Variants in PBX3 observed in about 807,000 individuals in gnomAD.
The protein encoded by PBX3 is pre-B-cell leukemia transcription factor 3.
In PBX3, 14 loss-of-function variants were observed where a neutral mutation model predicts 48.5. That is an observed-to-expected ratio of 0.29 (90% CI 0.19 to 0.45). The LOEUF (loss-of-function observed/expected upper bound fraction) is 0.45, where lower values mean the gene tolerates loss of function less well. Among genes scored for constraint, PBX3 ranks in the 20% least tolerant of loss-of-function variants. The pLI is 1.00. For synonymous variants in PBX3, 210 were observed against 200.3 expected, an observed-to-expected ratio of 1.05 and a Z score of -0.41; for missense variants, 386 against 546.7, an observed-to-expected ratio of 0.71 and a Z score of 2.93.
chr9:125,905,467 A>T (rs1841047917), intron 2 of PBX3, among the ~76,000 whole-genome samples: 1 of 151,982 alleles, frequency 6.6e-6, no homozygotes, highest in Non-Finnish European at 1.5e-5. Context: ...TATCAAAGGG[A>T]GATTAAATCT....
intron 2 of PBX3, among the ~76,000 whole-genome samples, chr9:125,851,809 A>G (rs1415216635): frequency 1.3e-5 from 2 of 151,428 alleles, no homozygotes; most frequent in Admixed American, 6.6e-5. Flanking sequence ...GGGTGCTGAT[A>G]CATGCTCCTT....
chr9:125,847,378 A>G (rs1358441557), intron 2 of PBX3, among the ~76,000 whole-genome samples: 1 of 152,028 alleles, frequency 6.6e-6, no homozygotes, highest in African/African-American at 2.4e-5. Flanking sequence ...ATGTCCAACA[A>G]TAGGTGAATT....
At chr9:125,820,147 A>G (rs1838607703) in intron 2 of PBX3, among the ~76,000 whole-genome samples, 1 of 152,226 alleles carries the variant, frequency 6.6e-6, no homozygotes, top group Non-Finnish European at 1.5e-5. Flanking sequence ...TGAAGAAACA[A>G]TTGACCACAC....
At chr9:125,806,480 G>A (rs1416793545) in intron 2 of PBX3, among the ~76,000 whole-genome samples, 1 of 152,162 alleles carries the variant, frequency 6.6e-6, no homozygotes. Flanking sequence ...TTCCAGGATG[G>A]CACCTTGCAT....
rs144869675 is a variant in PBX3 at position 125,783,234 on chromosome 9, G to A, written c.274+34611G>A. Reference sequence around the variant, plus strand: ...TGTGTGATGGTATGCGTGATGTCTCGTTATTATACATTGAGATGCATGATA... The same window carrying A: ...TGTGTGATGGTATGCGTGATGTCTCATTATTATACATTGAGATGCATGATA... On this transcript the variant is annotated intron_variant, in intron 2 of 8. Coordinates refer to ENST00000373489, the MANE Select transcript of PBX3 (RefSeq NM_006195.6). 3.9e-5 allele frequency among the ~76,000 whole-genome samples: 6 copies of A among 152,126 alleles called. No homozygotes were observed. The East Asian group carries it at 7.7e-4, about 20-fold the overall frequency.
At position 125,765,153 on chromosome 9, in the gene PBX3, G is replaced by GT. The variant is rs935957484; in HGVS notation, c.274+16544dup. On this transcript the variant is annotated intron_variant, in intron 2 of 8. Transcript: ENST00000373489. ...TTATATTTGTATTTTAAAGAAATTG[G>GT]TTTTTTTTTTTTTTGAGAGGGTGTC... Among the ~76,000 whole-genome samples, 808 of 142,752 alleles carry GT rather than the reference G, an allele frequency of 5.7e-3. 2 individuals carry two copies. Among genetic ancestry groups the GT allele is most frequent in the African/African-American group, 8.4e-3 (331 of 39,176 alleles). The allele number at this position is 142,752 out of a possible 152,430, so 93.7% of individuals were successfully genotyped here.
intron 3 of PBX3, among the ~76,000 whole-genome samples, chr9:125,924,890 C>T (rs1167507117): frequency 6.6e-6 from 1 of 152,152 alleles, no homozygotes; most frequent in Non-Finnish European, 1.5e-5. Flanking sequence ...TCTGAGAGAA[C>T]ATCTGCCAAA....
intron 2 of PBX3, among the ~76,000 whole-genome samples, chr9:125,866,958 A>G (rs1196124470): frequency 6.6e-6 from 1 of 152,046 alleles, no homozygotes; most frequent in Non-Finnish European, 1.5e-5. Context: ...CGTGATTTTC[A>G]TGGTTGTGTT....
chr9:125,950,280 G>A (rs146346190), intron 5 of PBX3, among the ~76,000 whole-genome samples: 1 of 152,258 alleles, frequency 6.6e-6, no homozygotes, highest in African/African-American at 2.4e-5. Flanking sequence ...GGGCAAAGCT[G>A]AACTGTAAGG....
chr9:125,934,866 T>G (rs1841799922), intron 4 of PBX3, among the ~76,000 whole-genome samples: 1 of 152,210 alleles, frequency 6.6e-6, no homozygotes, highest in African/African-American at 2.4e-5. Flanking sequence ...AGTGCAATCA[T>G]CTCCTAAAAT....
chr9:125,780,784 CA>C (rs1335386895), intron 2 of PBX3, among the ~76,000 whole-genome samples: 8 of 145,934 alleles, frequency 5.5e-5, no homozygotes, highest in Non-Finnish European at 9.2e-5. Flanking sequence ...CTGACCCCCC[CA>C]CCTCCCTCCC....
intron 2 of PBX3, among the ~76,000 whole-genome samples, chr9:125,791,792 C>T (rs1056421896): frequency 4.6e-5 from 7 of 151,656 alleles, no homozygotes; most frequent in Admixed American, 2.0e-4. Flanking sequence ...AAAAATTAGC[C>T]GGGCGTGGTG....
intron 2 of PBX3, among the ~76,000 whole-genome samples, chr9:125,780,977 G>A (rs1471527842): frequency 4.7e-5 from 5 of 106,092 alleles, no homozygotes; most frequent in African/African-American, 1.7e-4. Flanking sequence ...CCGGGCAGAG[G>A]CGCTCCTCAC....
chr9:125,874,813 A>T (rs142012001), intron 2 of PBX3, among the ~76,000 whole-genome samples: 4 of 152,280 alleles, frequency 2.6e-5, no homozygotes, highest in Admixed American at 6.5e-5. Context: ...CATACCCTAT[A>T]AACTTGGAGC....
chr9:125,892,442 T>C (rs530416711), intron 2 of PBX3, among the ~76,000 whole-genome samples: 1 of 152,290 alleles, frequency 6.6e-6, no homozygotes, highest in South Asian at 2.1e-4. Flanking sequence ...TTTAAAAATA[T>C]TTAAATAAGA....
intron 2 of PBX3, among the ~76,000 whole-genome samples, chr9:125,893,277 T>C (rs934878231): frequency 6.6e-6 from 1 of 152,224 alleles, no homozygotes; most frequent in African/African-American, 2.4e-5. Flanking sequence ...ACAGTATATG[T>C]TAATATTTTA....
At chr9:125,792,556 C>G (rs1443454425) in intron 2 of PBX3, among the ~76,000 whole-genome samples, 1 of 152,062 alleles carries the variant, frequency 6.6e-6, no homozygotes, top group Non-Finnish European at 1.5e-5. Flanking sequence ...ACTTCCAGAG[C>G]CAGCCTTAGC....
At chr9:125,808,592 G>C (rs1588167766) in intron 2 of PBX3, among the ~76,000 whole-genome samples, 1 of 152,096 alleles carries the variant, frequency 6.6e-6, no homozygotes, top group South Asian at 2.1e-4. Flanking sequence ...CTTGAGCCTG[G>C]GAGGTCAGGG....
chr9:125,779,848 G>A (rs1217990387), intron 2 of PBX3, among the ~76,000 whole-genome samples: 36 of 110,958 alleles, frequency 3.2e-4, no homozygotes, highest in Non-Finnish European at 5.0e-4. Flanking sequence ...GGGCAGAGGC[G>A]CCCCTCACCT....
Sources: gnomAD v4.1 joint callset for allele counts (sites outside exome capture counted in the v4.1 genomes callset) on GRCh38, gnomAD v4.1.1 for gene constraint, MANE v1.5 for transcripts, NCBI Gene and HGNC (gene_info 2026-07-23, HGNC 2026-07-21) for gene names.